Variants in MACROD2 observed in about 807,000 individuals in gnomAD.
The protein encoded by MACROD2 is mono-ADP ribosylhydrolase 2, also known as ADP-ribose glycohydrolase MACROD2.
MACROD2 carries 36 observed loss-of-function variants against 70.4 expected under a neutral mutation model. That is an observed-to-expected ratio of 0.51 (90% CI 0.39 to 0.68). The LOEUF (loss-of-function observed/expected upper bound fraction) is 0.68. Among genes scored for constraint, MACROD2 ranks in the 30% least tolerant of loss-of-function variants. The pLI, the probability that MACROD2 is intolerant of heterozygous loss-of-function variation, is 0.00. For synonymous variants in MACROD2, 172 were observed against 178.8 expected (o/e 0.96, Z 0.30); for missense variants, 496 against 538.4 (o/e 0.92, Z 0.78).
In MACROD2 at chr20:15,259,200, C is replaced by T. The variant is rs118138366; in HGVS notation, c.540+29139C>T. 4.8e-3 allele frequency among the ~76,000 whole-genome samples: 725 copies of T among 151,940 alleles called. 2 individuals are homozygous for T. Among genetic ancestry groups the T allele is most frequent in the Non-Finnish European group, 8.1e-3 (547 of 67,892 alleles). ...AATTTTTTAACAACAACAACAACAA[C>T]AAAATTTAGGAGCAATAGCATATGA... is the stretch of plus-strand genomic sequence containing the variant. On this transcript the variant is annotated intron_variant, in intron 6 of 17. Transcript: ENST00000684519.
chr20:15,762,077 A>G (rs1480249594), intron 8 of MACROD2, among the ~76,000 whole-genome samples: 3 of 152,192 alleles, frequency 2.0e-5, no homozygotes, highest in Non-Finnish European at 4.4e-5. Context: ...TGAGTATGCC[A>G]ATTTTGACAG....
At position 14,414,669 on chromosome 20, in the gene MACROD2, G is replaced by T. The variant is rs73901247; in HGVS notation, c.272-78810G>T. ...AAAAACCAAAACCCTTACCATGTCCGTCAAGGCCCTGCCACTGTTCTTTAG... is the reference window on the plus strand; with the variant it reads ...AAAAACCAAAACCCTTACCATGTCCTTCAAGGCCCTGCCACTGTTCTTTAG... On this transcript the variant is annotated intron_variant, in intron 3 of 17. Coordinates refer to ENST00000684519, the MANE Select transcript of MACROD2 (RefSeq NM_001351661.2). 8.4e-3 allele frequency among the ~76,000 whole-genome samples: 1,283 copies of T among 152,224 alleles called. 23 individuals are homozygous for T. Among genetic ancestry groups the T allele is most frequent in the African/African-American group, 0.029 (1,189 of 41,528 alleles).
chr20:15,623,833 TGC>T (rs1210817580), intron 8 of MACROD2, among the ~76,000 whole-genome samples: 25 of 152,238 alleles, frequency 1.6e-4, no homozygotes, highest in African/African-American at 6.0e-4. Context: ...ATACACATAA[TGC>T]ATAGTATTCA....
intron 5 of MACROD2, among the ~76,000 whole-genome samples, chr20:15,135,174 A>T (rs2076137152): frequency 6.6e-6 from 1 of 151,366 alleles, no homozygotes; most frequent in East Asian, 1.9e-4. Flanking sequence ...AAACTATTCC[A>T]ATCAATAGAA....
chr20:15,761,881 TA>T (rs2051441987), intron 8 of MACROD2, among the ~76,000 whole-genome samples: 1 of 152,248 alleles, frequency 6.6e-6, no homozygotes, highest in African/African-American at 2.4e-5. Flanking sequence ...TCTCAGCTTC[TA>T]AAGCTTTCTT....
chr20:15,521,959 A>C (rs574982752), intron 8 of MACROD2, among the ~76,000 whole-genome samples: 20 of 152,228 alleles, frequency 1.3e-4, no homozygotes, highest in Non-Finnish European at 2.5e-4. Context: ...TCAGTGGTAG[A>C]AAGAACACCA....
chr20:15,027,845 A>C (rs929430403), intron 5 of MACROD2, among the ~76,000 whole-genome samples: 12 of 152,184 alleles, frequency 7.9e-5, no homozygotes, highest in African/African-American at 2.9e-4. Flanking sequence ...GAATTCCCCC[A>C]ACAAGTTGCT....
chr20:14,781,439 T>G (rs2123786366), intron 5 of MACROD2, among the ~76,000 whole-genome samples: 1 of 149,402 alleles, frequency 6.7e-6, no homozygotes, highest in East Asian at 2.0e-4. Context: ...CTCTCATGTC[T>G]GAATCCACTT....
chr20:14,914,865 G>A (rs1237428893), intron 5 of MACROD2, among the ~76,000 whole-genome samples: 1 of 152,080 alleles, frequency 6.6e-6, no homozygotes, highest in Admixed American at 6.6e-5. Flanking sequence ...TGTACATTCT[G>A]AAGAAAACAG....
At chr20:14,280,314 G>A (rs2082296873) in intron 3 of MACROD2, among the ~76,000 whole-genome samples, 1 of 152,202 alleles carries the variant, frequency 6.6e-6, no homozygotes, top group Admixed American at 6.5e-5. Context: ...AAATACTGTA[G>A]GAGTTTATGA....
intron 4 of MACROD2, among the ~76,000 whole-genome samples, chr20:14,670,804 A>T (rs1232441072): frequency 6.6e-6 from 1 of 152,142 alleles, no homozygotes; most frequent in African/African-American, 2.4e-5. Flanking sequence ...GACACCTCCC[A>T]ACTGTTCTTT....
intron 6 of MACROD2, among the ~76,000 whole-genome samples, chr20:15,352,603 T>C (rs1253279274): frequency 2.0e-5 from 3 of 152,148 alleles, no homozygotes; most frequent in African/African-American, 7.2e-5. Context: ...ATACATTGCA[T>C]TGAAATACTG....
chr20:15,772,397 A>C (rs771774292), intron 8 of MACROD2, among the ~76,000 whole-genome samples: 1 of 151,956 alleles, frequency 6.6e-6, no homozygotes, highest in Non-Finnish European at 1.5e-5. Flanking sequence ...TGAAATTTTC[A>C]AGGTCGTAGG....
chr20:15,219,992 A>ATTTTTTTTTTTTTTT (rs200180828), intron 5 of MACROD2, among the ~76,000 whole-genome samples: 4 of 137,798 alleles, frequency 2.9e-5, no homozygotes, highest in Non-Finnish European at 3.1e-5. Flanking sequence ...ATCACTGCAC[A>ATTTTTTTTTTTTTTT]TTTTTTTTTT....
At chr20:14,781,145 AT>A (rs2072295439) in intron 5 of MACROD2, among the ~76,000 whole-genome samples, 1 of 151,800 alleles carries the variant, frequency 6.6e-6, no homozygotes, top group Admixed American at 6.6e-5. Context: ...ACCAGAACTT[AT>A]TTTTCTCAGC....
rs1198854757 is a variant in MACROD2, at chr20:16,052,097, A to T, written c.*2221A>T. ...ATCCAGGAAACTAAGAGAATGAGGA[A>T]TAAATATCTTCAGCCCGACTCCTGA... On this transcript the variant is annotated 3_prime_UTR_variant, in exon 18 of 18. Coordinates refer to ENST00000684519, the MANE Select transcript of MACROD2 (RefSeq NM_001351661.2). 2 of 152,252 alleles carry T rather than the reference A, an allele frequency of 1.3e-5. No homozygotes were observed. The highest frequency in any genetic ancestry group is 4.8e-5 in the African/African-American group (2 of 41,460). The allele number at this position is 152,252 out of a possible 1,614,324, so 9.4% of individuals were successfully genotyped here.
intron 8 of MACROD2, among the ~76,000 whole-genome samples, chr20:15,758,584 G>A (rs1336868036): frequency 1.3e-5 from 2 of 149,184 alleles, no homozygotes; most frequent in Non-Finnish European, 3.0e-5. Context: ...CTGTGCCTCA[G>A]GCTGAAGTGC....
Position 15,915,018 on chromosome 20 carries a change from C to A in MACROD2, c.776-18258C>A, listed in dbSNP as rs111810021. The stretch of plus-strand genomic sequence containing the variant: ...GTGAGATCTGGAAGGGTCCCAAGCG[C>A]GGGAGCTTCTGTCCCTATGGAGTTG... On this transcript the variant is annotated intron_variant, in intron 10 of 17. Coordinates refer to ENST00000684519, the MANE Select transcript of MACROD2 (RefSeq NM_001351661.2). Among the ~76,000 whole-genome samples the A allele has an allele frequency of 5.2e-4, 79 of 152,242 alleles. 1 individual carries two copies. Among genetic ancestry groups the A allele is most frequent in the East Asian group, 4.4e-3 (23 of 5,190 alleles).
chr20:14,744,315 C>A (rs2071771617), intron 5 of MACROD2, among the ~76,000 whole-genome samples: 1 of 152,066 alleles, frequency 6.6e-6, no homozygotes, highest in Non-Finnish European at 1.5e-5. Context: ...ACCCAGTTTA[C>A]TTTAAAAAAA....
Sources: allele counts gnomAD v4.1 joint callset (sites outside exome capture counted in the v4.1 genomes callset), GRCh38; gene constraint gnomAD v4.1.1; transcripts MANE v1.5; gene names NCBI Gene and HGNC (gene_info 2026-07-23, HGNC 2026-07-21).